Variants in ABCB10 observed in about 807,000 individuals in gnomAD.
The protein encoded by ABCB10 is ATP binding cassette subfamily B member 10, also known as ATP-binding cassette sub-family B member 10, mitochondrial.
A neutral mutation model predicts 65.4 loss-of-function variants in ABCB10; 54 were observed. The ratio of observed to expected loss-of-function variants is 0.83; its 90% CI spans 0.66 to 1.04. The LOEUF is 1.04. Ranked by LOEUF, ABCB10 falls within the 50% of genes least tolerant of loss-of-function variation. ABCB10 has a pLI of 0.00. For missense variants in ABCB10, 846 were observed against 976.6 expected (o/e 0.87, Z 1.78); for synonymous variants, 418 against 406.5 (o/e 1.03, Z -0.34).
Position 229,558,449 on chromosome 1 carries a change from C to A in ABCB10, c.204G>T (p.Trp68Cys). The A allele has an allele frequency of 8.2e-7, 1 of 1,222,054 alleles. No individual in the cohort carries two copies. Among genetic ancestry groups the A allele is most frequent in the Non-Finnish European group, 1.0e-6 (1 of 984,438 alleles). 75.7% of individuals were successfully genotyped at this position (1,222,054 alleles called of 1,614,324 possible). A position where few individuals can be genotyped will look rare whatever the true frequency, so the allele number is the denominator to read the frequency against. ...GACCCCCGCCCCGGCAGCCGCTCCT[C>A]CAGCGGCGCGCGGCTCCAACGCCCC... ...LLWGVGAARRWRSGCRGGGPG... is the reference protein window; with the variant it reads ...LLWGVGAARRCRSGCRGGGPG... The change falls in exon 1 of 13, where the codon TGG becomes TGT. Residue 68 changes from tryptophan to cysteine, a missense_variant. Physicochemically the swap from Trp to Cys is radical, Grantham distance 215. This residue lies in a region of ABCB10 where 214 missense variants were observed against 173.5 expected (regional missense o/e 1.23). Transcript: ENST00000344517.
At chr1:229,538,494 C>T (rs568722439) in intron 6 of ABCB10, among the ~76,000 whole-genome samples, 2 of 152,258 alleles carry the variant, frequency 1.3e-5, no homozygotes, top group African/African-American at 2.4e-5. Context: ...ATCCAGGAAA[C>T]GGAGAGGGAA....
chr1:229,543,288 G>A (rs536633732), intron 3 of ABCB10, among the ~76,000 whole-genome samples: 173 of 152,302 alleles, frequency 1.1e-3, no homozygotes, highest in Non-Finnish European at 2.0e-3. Flanking sequence ...GGAGCTTCTA[G>A]CAATTGGAAT....
chr1:229,522,129 G>C (rs1662330152), intron 10 of ABCB10, among the ~76,000 whole-genome samples: 1 of 152,208 alleles, frequency 6.6e-6, no homozygotes, highest in South Asian at 2.1e-4. Flanking sequence ...AAAGTGCTGG[G>C]ATTATAGGCG....
chr1:229,538,153 T>A (rs1428023912), intron 6 of ABCB10, among the ~76,000 whole-genome samples: 1 of 152,192 alleles, frequency 6.6e-6, no homozygotes, highest in Non-Finnish European at 1.5e-5. Context: ...ACTATAGCAA[T>A]GGATTAGAAC....
chr1:229,525,814 G>C, intron 10 of ABCB10, 122 bp downstream of exon 10: 1 of 1,215,378 alleles, frequency 8.2e-7, no homozygotes, highest in Non-Finnish European at 1.1e-6. Context: ...CTCCAGCCTG[G>C]GTGACAGAGC....
At chr1:229,549,923 TG>T in intron 1 of ABCB10, 2 of 157,686 alleles carry the variant, frequency 1.3e-5, no homozygotes, top group South Asian at 1.9e-4. Flanking sequence ...CCATACACTC[TG>T]AACGCACCCA....
intron 1 of ABCB10, among the ~76,000 whole-genome samples, chr1:229,555,603 G>C (rs960327488): frequency 2.6e-5 from 4 of 152,122 alleles, no homozygotes; most frequent in African/African-American, 9.7e-5. Context: ...TGCTGAGACA[G>C]ATGGAGGTAT....
chr1:229,540,526 C>T, intron 5 of ABCB10, 80 bp downstream of exon 5: 1 of 1,353,332 alleles, frequency 7.4e-7, no homozygotes. Context: ...TTATTTTCTA[C>T]TTATGCTGAG....
intron 8 of ABCB10, among the ~76,000 whole-genome samples, chr1:229,528,842 A>G (rs915478135): frequency 1.3e-5 from 2 of 152,134 alleles, no homozygotes; most frequent in African/African-American, 4.8e-5. Flanking sequence ...TATTCTTTCT[A>G]AATTCATGAT....
At chr1:229,554,837 T>C (rs1008850274) in intron 1 of ABCB10, among the ~76,000 whole-genome samples, 1 of 152,194 alleles carries the variant, frequency 6.6e-6, no homozygotes, top group Non-Finnish European at 1.5e-5. Flanking sequence ...CTTCAGGAAG[T>C]AGCTACTCTG....
intron 2 of ABCB10, among the ~76,000 whole-genome samples, 194 bp downstream of exon 2, chr1:229,549,040 G>C (rs12030329): frequency 6.6e-6 from 1 of 152,286 alleles, no homozygotes; most frequent in East Asian, 1.9e-4. Flanking sequence ...AAGAAGAGTT[G>C]AGAGTGCTTG....
At chr1:229,544,416 CAAAAAAAAAAA>C (rs35004821) in intron 3 of ABCB10, among the ~76,000 whole-genome samples, 1 of 60,994 alleles carries the variant, frequency 1.6e-5, no homozygotes, top group Non-Finnish European at 3.0e-5. Context: ...GACCTTCTCT[CAAAAAAAAAAA>C]AAAAAAAAAA....
At position 229,549,576 on chromosome 1, in the gene ABCB10, C is replaced by A; in HGVS notation, c.518-142G>T. Reference sequence around the variant, plus strand: ...CTCTAGCAGTTTCCTCCCTTTTGCTCCTCGATCTCTGACTCAAGGGAAGAA... The same window carrying A: ...CTCTAGCAGTTTCCTCCCTTTTGCTACTCGATCTCTGACTCAAGGGAAGAA... On this transcript the variant is annotated intron_variant, in intron 1 of 12. Transcript: ENST00000344517. 6 of 802,318 alleles carry A rather than the reference C, an allele frequency of 7.5e-6. No individual in the cohort carries two copies. The South Asian group carries it at 1.1e-4, about 15-fold the overall frequency. The allele number at this position is 802,318 out of a possible 1,614,324, so 49.7% of individuals were successfully genotyped here.
chr1:229,529,803 C>T (rs186481574), intron 8 of ABCB10, among the ~76,000 whole-genome samples: 9 of 152,238 alleles, frequency 5.9e-5, no homozygotes, highest in South Asian at 4.1e-4. Context: ...GCGCCCAGCA[C>T]GCGCACTGGC....
rs372900509 is a variant in ABCB10 at position 229,530,494 on chromosome 1, G to A, written c.1436-86C>T. The A allele has an allele frequency of 5.3e-4, 733 of 1,387,144 alleles. 6 individuals are homozygous for A. In the South Asian group the frequency reaches 8.5e-3, roughly 16 times the overall value. The allele number at this position is 1,387,144 out of a possible 1,614,324, so 85.9% of individuals were successfully genotyped here. ...TCGGTTCTCCTACTCATCTGGCTATGGATGGGTGACTCCACCACAGCTAAT... is the reference window on the plus strand; with the variant it reads ...TCGGTTCTCCTACTCATCTGGCTATAGATGGGTGACTCCACCACAGCTAAT... On this transcript the variant is annotated intron_variant, in intron 7 of 12. Coordinates refer to ENST00000344517, the MANE Select transcript of ABCB10 (RefSeq NM_012089.3).
intron 7 of ABCB10, 76 bp from the exon 8 acceptor site, chr1:229,530,484 A>C: frequency 2.0e-5 from 30 of 1,492,412 alleles, no homozygotes; most frequent in Non-Finnish European, 2.7e-5. Context: ...TCTCCTACTC[A>C]TCTGGCTATG....
At position 229,534,337 on chromosome 1, in the gene ABCB10, A is replaced by T. The variant is rs913337755; in HGVS notation, c.1340-2606T>A. ...CCTTGCTAGTGGGGATGCAAATGGG[A>T]CACACATTTTGGAAGGCAGTTTGGG... On this transcript the variant is annotated intron_variant, in intron 6 of 12. Transcript: ENST00000344517. Among the ~76,000 whole-genome samples, 6 of 152,338 alleles carry T rather than the reference A, an allele frequency of 3.9e-5. No homozygotes were observed. The South Asian group carries it at 8.3e-4, about 21-fold the overall frequency.
Position 229,525,855 on chromosome 1 carries a change from C to CA in ABCB10, c.1906+80dup, listed in dbSNP as rs1272220776. The CA allele has an allele frequency of 3.3e-6, 5 of 1,498,252 alleles. No individual in the cohort carries two copies. The Admixed American group carries it at 6.4e-5, about 19-fold the overall frequency. 92.8% of individuals were successfully genotyped at this position (1,498,252 alleles called of 1,614,324 possible). A position where few individuals can be genotyped will look rare whatever the true frequency, so the allele number is the denominator to read the frequency against. On this transcript the variant is annotated intron_variant, in intron 10 of 12. Transcript: ENST00000344517. The stretch of plus-strand genomic sequence containing the variant: ...TCAAGACTCCGTCTCAAAAACAAAA[C>CA]AAACAAACAAAAAAAACAAGAAACA...
chr1:229,556,491 C>G (rs1245290609), intron 1 of ABCB10, among the ~76,000 whole-genome samples: 2 of 151,996 alleles, frequency 1.3e-5, no homozygotes, highest in African/African-American at 2.4e-5. Flanking sequence ...CTCAGCAACA[C>G]AGTGAGACCC....
Sources: allele counts gnomAD v4.1 joint callset (sites outside exome capture counted in the v4.1 genomes callset), GRCh38; gene constraint gnomAD v4.1.1; regional missense constraint gnomAD v4.1.1; transcripts MANE v1.5; gene names NCBI Gene and HGNC (gene_info 2026-07-23, HGNC 2026-07-21).